Variants in TNPO1 observed in about 807,000 individuals in gnomAD.
The protein encoded by TNPO1 is transportin 1.
In TNPO1, 8 loss-of-function variants were observed where a neutral mutation model predicts 119.5. That is an observed-to-expected ratio of 0.07 (90% CI 0.04 to 0.12). The LOEUF (loss-of-function observed/expected upper bound fraction) is 0.12, where lower values mean the gene tolerates loss of function less well. Ranked by LOEUF, TNPO1 falls within the 10% of genes least tolerant of loss-of-function variation. The probability of loss-of-function intolerance (pLI) is 1.00; values close to 1 mark genes in which losing one functional copy is unlikely to be tolerated. For synonymous variants in TNPO1, 362 were observed against 363.0 expected (o/e 1.00, Z 0.03); for missense variants, 576 against 1,089.8 (o/e 0.53, Z 6.64).
chr5:72,816,847 G>C, intron 1 of TNPO1, 95 bp downstream of exon 1: 3 of 1,421,026 alleles, frequency 2.1e-6, no homozygotes, highest in South Asian at 1.3e-5. Context: ...GAGAGACGCC[G>C]GGCTCGCCCG....
At chr5:72,896,649 C>A (rs1749448853) in intron 19 of TNPO1, 93 bp downstream of exon 19, 5 of 903,290 alleles carry the variant, frequency 5.5e-6, no homozygotes, top group South Asian at 1.6e-5. Flanking sequence ...GCGGGCAGAT[C>A]ACCTGAGGTC....
rs1379839034 is a variant in TNPO1, at chr5:72,877,298, T to C, written c.872T>C (p.Leu291Ser). Residue 291 changes from leucine (L) to serine (S), a missense_variant, in exon 9 of 25, where the codon TTA becomes TCA. Leu to Ser is a moderately radical substitution (Grantham distance 145). Around this residue, in one of 6 missense-constraint regions of TNPO1, gnomAD observed 310 missense variants for 583.0 expected, o/e 0.53. Transcript: ENST00000337273. ...GAAGCCTGTGAATTTTGGCTAACTT[T>C]AGCTGAACAGCCAATATGCAAAGAT... ...ALEACEFWLT[L>S]AEQPICKDVL... The C allele has an allele frequency of 6.2e-7, 1 of 1,613,022 alleles. No homozygotes were observed. Among genetic ancestry groups the C allele is most frequent in the Non-Finnish European group, 8.5e-7 (1 of 1,179,320 alleles).
rs1460259690 is a variant in TNPO1, at chr5:72,910,602, C to G, written c.*1929C>G. 1.3e-5 allele frequency: 2 copies of G among 152,498 alleles called. No homozygotes were observed. Among genetic ancestry groups the G allele is most frequent in the African/African-American group, 4.8e-5 (2 of 41,404 alleles). 9.4% of individuals were successfully genotyped at this position (152,498 alleles called of 1,614,324 possible). A position where few individuals can be genotyped will look rare whatever the true frequency, so the allele number is the denominator to read the frequency against. ...GCCTTTTTATATTTTAGTTTGTCAC[C>G]TTTGCATTGCAGAATAAATACTGAA... On this transcript the variant is annotated 3_prime_UTR_variant, in exon 25 of 25. Transcript: ENST00000337273.
intron 9 of TNPO1, among the ~76,000 whole-genome samples, chr5:72,880,427 T>A (rs1388260598): frequency 1.3e-5 from 2 of 152,192 alleles, no homozygotes; most frequent in Admixed American, 6.5e-5. Flanking sequence ...TTGTGTGGAT[T>A]TTCCATGTGA....
At chr5:72,878,993 T>G in intron 9 of TNPO1, 1 of 455,904 alleles carries the variant, frequency 2.2e-6, no homozygotes, top group Non-Finnish European at 4.4e-6. Context: ...CTGGCTTTGT[T>G]TAGTTTGCCG....
intron 12 of TNPO1, 146 bp downstream of exon 12, chr5:72,887,368 A>G (rs187395045): frequency 3.3e-6 from 3 of 899,802 alleles, no homozygotes; most frequent in Non-Finnish European, 4.8e-6. Context: ...CCCCAGCTAG[A>G]TATTTTGCAA....
chr5:72,868,796 CAG>C (rs1180697102), intron 6 of TNPO1, among the ~76,000 whole-genome samples: 4 of 152,142 alleles, frequency 2.6e-5, no homozygotes, highest in Non-Finnish European at 4.4e-5. Flanking sequence ...CACCTGAAGT[CAG>C]GGGTTCAAGA....
chr5:72,854,078 A>C (rs931960908), intron 3 of TNPO1, among the ~76,000 whole-genome samples: 2 of 152,354 alleles, frequency 1.3e-5, no homozygotes, highest in East Asian at 3.9e-4. Flanking sequence ...TCTCGTAAAC[A>C]AAGTCATGCC....
intron 1 of TNPO1, among the ~76,000 whole-genome samples, chr5:72,841,068 A>G (rs896678758): frequency 1.4e-5 from 2 of 146,068 alleles, no homozygotes; most frequent in Admixed American, 6.8e-5. Flanking sequence ...TTAGTTTTGC[A>G]TTTTTTTCTC....
rs1368495624 is a variant in TNPO1 at position 72,912,066 on chromosome 5, CTG to C, written c.*3397_*3398del. ...GTCTAATCTCTTCAATGACTTCATA[CTG>C]TGTAAAAAAAAATCACTTTTTAATA... On this transcript the variant is annotated 3_prime_UTR_variant, in exon 25 of 25. Transcript: ENST00000337273. The C allele has an allele frequency of 6.6e-6, 1 of 150,754 alleles. No individual in the cohort carries two copies. The highest frequency in any genetic ancestry group is 1.5e-5 in the Non-Finnish European group (1 of 67,900). 9.3% of individuals were successfully genotyped at this position (150,754 alleles called of 1,614,324 possible).
At chr5:72,823,167 T>G (rs1164182569) in intron 1 of TNPO1, among the ~76,000 whole-genome samples, 1 of 152,130 alleles carries the variant, frequency 6.6e-6, no homozygotes, top group Non-Finnish European at 1.5e-5. Flanking sequence ...TCCGTAACTT[T>G]CCTCCCACTG....
intron 21 of TNPO1, among the ~76,000 whole-genome samples, chr5:72,900,422 T>A (rs1259648948): frequency 6.6e-6 from 1 of 152,226 alleles, no homozygotes; most frequent in Non-Finnish European, 1.5e-5. Flanking sequence ...GCATTACGTT[T>A]CTTTTTTAGA....
intron 9 of TNPO1, among the ~76,000 whole-genome samples, chr5:72,881,440 C>A (rs1290335169): frequency 1.3e-5 from 2 of 152,210 alleles, no homozygotes; most frequent in South Asian, 4.1e-4. Context: ...CCCAAAACTT[C>A]TATCTACCCT....
chr5:72,899,375 A>G (rs939990765), intron 20 of TNPO1, among the ~76,000 whole-genome samples: 1 of 152,222 alleles, frequency 6.6e-6, no homozygotes, highest in African/African-American at 2.4e-5. Flanking sequence ...TTCAGTGAGT[A>G]CCATGAGACT....
At chr5:72,880,282 C>A (rs945401158) in intron 9 of TNPO1, among the ~76,000 whole-genome samples, 3 of 151,784 alleles carry the variant, frequency 2.0e-5, no homozygotes, top group African/African-American at 4.8e-5. Flanking sequence ...ATTTTTTTAA[C>A]TAGTACTATT....
At position 72,875,665 on chromosome 5, in the gene TNPO1, G is replaced by A. The variant is rs748468443; in HGVS notation, c.729G>A (p.Val243=). 2 of 1,613,604 alleles carry A rather than the reference G, an allele frequency of 1.2e-6. No homozygotes were observed. The highest frequency in any genetic ancestry group is 1.7e-5 in the Admixed American group (1 of 60,026). Residue 243 remains valine, a synonymous_variant, in exon 8 of 25, where the codon GTG becomes GTA. Coordinates refer to ENST00000337273, the MANE Select transcript of TNPO1 (RefSeq NM_002270.4). ...AAGAACCAGAGGTACGGAAAAATGT[G>A]TGCCGAGCACTTGTGATGTTGCTCG... is the stretch of plus-strand genomic sequence containing the variant. ...GDEEPEVRKN[V]CRALVMLLEV...
intron 13 of TNPO1, 62 bp from the exon 14 acceptor site, chr5:72,889,724 G>A: frequency 1.3e-6 from 2 of 1,490,870 alleles, no homozygotes; most frequent in Non-Finnish European, 1.8e-6. Context: ...AAACATTTTA[G>A]CAATTAAGAG....
At chr5:72,899,356 AT>A (rs1433593348) in intron 20 of TNPO1, among the ~76,000 whole-genome samples, 1 of 152,158 alleles carries the variant, frequency 6.6e-6, no homozygotes, top group Non-Finnish European at 1.5e-5. Context: ...CAATATTCTA[AT>A]CCATTCATTC....
chr5:72,847,304 T>C (rs1430293799), intron 1 of TNPO1, among the ~76,000 whole-genome samples: 1 of 152,252 alleles, frequency 6.6e-6, no homozygotes, highest in Non-Finnish European at 1.5e-5. Context: ...AAATAAGTCA[T>C]GCTTGATACT....
Sources: gnomAD v4.1 joint callset for allele counts (sites outside exome capture counted in the v4.1 genomes callset) on GRCh38, gnomAD v4.1.1 for gene constraint, gnomAD v4.1.1 regional missense constraint, MANE v1.5 for transcripts, NCBI Gene and HGNC (gene_info 2026-07-23, HGNC 2026-07-21) for gene names.